Variants in WASHC2C observed in about 807,000 individuals in gnomAD.
WASHC2C encodes Vaccinia Penetration Factor.
A neutral mutation model predicts 142.2 loss-of-function variants in WASHC2C; 73 were observed. The ratio of observed to expected loss-of-function variants is 0.51; its 90% CI spans 0.43 to 0.62. The LOEUF (loss-of-function observed/expected upper bound fraction) is 0.62. Ranked by LOEUF, WASHC2C falls within the 20% of genes least tolerant of loss-of-function variation. WASHC2C has a pLI of 0.00. For missense variants in WASHC2C, 969 were observed against 1,531.7 expected, an observed-to-expected ratio of 0.63 and a Z score of 6.13; for synonymous variants, 337 against 565.5, an observed-to-expected ratio of 0.60 and a Z score of 5.73.
At chr10:45,741,460 C>T (rs1780679189) in intron 5 of WASHC2C, among the ~76,000 whole-genome samples, 1 of 148,100 alleles carries the variant, frequency 6.8e-6, no homozygotes, top group Non-Finnish European at 1.5e-5. Context: ...CACTTTCTCC[C>T]TTTTTTTTTT....
intron 5 of WASHC2C, among the ~76,000 whole-genome samples, chr10:45,742,756 C>A (rs1156892365): frequency 6.6e-6 from 1 of 151,956 alleles, no homozygotes; most frequent in African/African-American, 2.4e-5. Flanking sequence ...GTACCCTTTT[C>A]CCTGTTTGCT....
chr10:45,765,918 A>G, intron 19 of WASHC2C, 108 bp downstream of exon 19: 1 of 1,466,388 alleles, frequency 6.8e-7, no homozygotes, highest in South Asian at 1.3e-5. Context: ...ATGTTCAGTC[A>G]CCAAAGGCGA....
chr10:45,756,956 T>C, intron 15 of WASHC2C, 56 bp from the exon 16 acceptor site: 1 of 1,444,922 alleles, frequency 6.9e-7, no homozygotes, highest in Non-Finnish European at 9.3e-7. Flanking sequence ...AATCTGTGAA[T>C]TTTGTGATAG....
Position 45,727,404 on chromosome 10 carries a change from T to C in WASHC2C, c.4-13T>C, listed in dbSNP as rs1382230148. ...CTCAGGCTCAGCCTCTCTTCTCGTT[T>C]TTTTCGCTGCAGATGAACCGGACGA... On this transcript the variant is annotated splice_polypyrimidine_tract_variant and intron_variant, in intron 1 of 30. Transcript: ENST00000623400. 1 of 1,611,146 alleles carries C rather than the reference T, an allele frequency of 6.2e-7. No homozygotes were observed. Among genetic ancestry groups the C allele is most frequent in the Non-Finnish European group, 8.5e-7 (1 of 1,179,424 alleles).
At chr10:45,737,944 G>T in intron 3 of WASHC2C, 39 bp from the exon 4 acceptor site, 2 of 1,611,644 alleles carry the variant, frequency 1.2e-6, no homozygotes, top group Non-Finnish European at 1.7e-6. Flanking sequence ...TTCCAATGAC[G>T]TGTTGACCTT....
intron 5 of WASHC2C, among the ~76,000 whole-genome samples, chr10:45,741,907 C>T (rs111644636): frequency 0.15 from 22,842 of 151,202 alleles, 2,046 homozygotes; most frequent in Admixed American, 0.24. Context: ...GATTCTCCTG[C>T]CTCAGCCTTC....
chr10:45,766,882 GGTGAA>G (rs1554882620), intron 19 of WASHC2C, among the ~76,000 whole-genome samples: 1 of 152,038 alleles, frequency 6.6e-6, no homozygotes, highest in African/African-American at 2.4e-5. Flanking sequence ...GTTAGTAGGG[GGTGAA>G]GTGGATATAT....
At chr10:45,730,200 G>A (rs1589538270) in intron 3 of WASHC2C, among the ~76,000 whole-genome samples, 1 of 120,018 alleles carries the variant, frequency 8.3e-6, no homozygotes, top group East Asian at 2.3e-4. Context: ...TACAAAATTA[G>A]CCGGGCATGG....
At chr10:45,735,596 C>T (rs28516414) in intron 3 of WASHC2C, among the ~76,000 whole-genome samples, 8 of 152,226 alleles carry the variant, frequency 5.3e-5, no homozygotes, top group South Asian at 2.1e-4. Context: ...ATTTTATTAG[C>T]GTTTGATTGG....
At position 45,755,042 on chromosome 10, in the gene WASHC2C, C is replaced by A. The variant is rs1160966663; in HGVS notation, c.1347C>A (p.Gly449=). The A allele has an allele frequency of 1.9e-6, 3 of 1,611,712 alleles. No homozygotes were observed. The highest frequency in any genetic ancestry group is 2.5e-6 in the Non-Finnish European group (3 of 1,179,856). Residue 449 remains glycine, a synonymous_variant, in exon 15 of 31, where the codon GGC becomes GGA. Coordinates refer to ENST00000623400, the MANE Select transcript of WASHC2C (RefSeq NM_001330074.2). ...RKSPYGPPPT[G]LFDDDDGDDD... is the part of the protein sequence containing the mutation. ...GCCCCTATGGTCCCCCTCCCACTGG[C>A]CTCTTTGATGATGATGATGGTGATG...
chr10:45,748,849 T>G (rs1246571379), intron 8 of WASHC2C, among the ~76,000 whole-genome samples: 3 of 152,228 alleles, frequency 2.0e-5, no homozygotes, highest in African/African-American at 7.2e-5. Context: ...AGTCCTTTCC[T>G]TCTCTGCATA....
chr10:45,758,528 C>T lies in WASHC2C; in HGVS notation c.1549-787C>T, dbSNP rs573002131. ...TAAAGTTCTTTCTCTCCCCCTCCTT[C>T]CCCGATTTTTAGTATTGCTTTGGGA... On this transcript the variant is annotated intron_variant, in intron 16 of 30. Transcript: ENST00000623400. Among the ~76,000 whole-genome samples, 20 of 152,146 alleles carry T rather than the reference C, an allele frequency of 1.3e-4. 1 individual carries two copies. The South Asian group carries it at 4.2e-3, about 32-fold the overall frequency.
intron 5 of WASHC2C, among the ~76,000 whole-genome samples, chr10:45,741,300 C>G (rs2052017179): frequency 6.6e-6 from 1 of 152,146 alleles, no homozygotes; most frequent in Non-Finnish European, 1.5e-5. Flanking sequence ...CCAGTTTGAG[C>G]TTTGCTGAGT....
upstream of WASHC2C, chr10:45,727,186 T>C (rs572480647): frequency 4.7e-5 from 69 of 1,460,862 alleles, no homozygotes; most frequent in East Asian, 1.4e-3. Context: ...CACGTGCGGG[T>C]TCTGTCACGT....
intron 27 of WASHC2C, 60 bp from the exon 28 acceptor site, chr10:45,786,975 A>G: frequency 1.2e-6 from 2 of 1,611,338 alleles, no homozygotes; most frequent in Non-Finnish European, 1.7e-6. Flanking sequence ...ATGTGTCACA[A>G]TAAAGATAAT....
intron 19 of WASHC2C, among the ~76,000 whole-genome samples, chr10:45,766,012 A>G (rs1401347874): frequency 6.6e-6 from 1 of 152,250 alleles, no homozygotes; most frequent in African/African-American, 2.4e-5. Context: ...ATGGTTAGGA[A>G]TAAGTATGAC....
chr10:45,785,759 T>A, intron 26 of WASHC2C, 128 bp downstream of exon 26: 1 of 1,569,378 alleles, frequency 6.4e-7, no homozygotes. Context: ...GGGCTACAGC[T>A]TTGTCTTCAC....
intron 3 of WASHC2C, 41 bp from the exon 4 acceptor site, chr10:45,737,942 A>G: frequency 6.2e-7 from 1 of 1,611,736 alleles, no homozygotes; most frequent in Non-Finnish European, 8.5e-7. Flanking sequence ...ATTTCCAATG[A>G]CGTGTTGACC....
At chr10:45,727,565 A>T in intron 2 of WASHC2C, 26 bp downstream of exon 2, 1 of 1,556,666 alleles carries the variant, frequency 6.4e-7, no homozygotes, top group Non-Finnish European at 8.7e-7. Flanking sequence ...CGGGGACGCG[A>T]GAGCGGCAGG....
Sources: gnomAD v4.1 joint callset for allele counts (sites outside exome capture counted in the v4.1 genomes callset) on GRCh38, gnomAD v4.1.1 for gene constraint, MANE v1.5 for transcripts, NCBI Gene and HGNC (gene_info 2026-07-23, HGNC 2026-07-21) for gene names.